The following SHISAL2A variants were observed in gnomAD, a reference collection of about 807,000 sequenced individuals.
The protein encoded by SHISAL2A is protein shisa-like-2A.
Under a neutral mutation model 11.5 loss-of-function variants are expected in SHISAL2A, and 18 were observed. That is an observed-to-expected ratio of 1.57 (90% CI 1.08 to 2.33). SHISAL2A has a LOEUF of 2.33. Among genes scored for constraint, SHISAL2A ranks in the 30% most tolerant of loss-of-function variants. The pLI is 0.00. For synonymous variants in SHISAL2A, 94 were observed against 99.6 expected, an observed-to-expected ratio of 0.94 and a Z score of 0.34; for missense variants, 261 against 250.9, an observed-to-expected ratio of 1.04 and a Z score of -0.27.
chr1:52,638,768 G>C (rs1691293388), intron 1 of SHISAL2A, among the ~76,000 whole-genome samples: 1 of 152,206 alleles, frequency 6.6e-6, no homozygotes, highest in Non-Finnish European at 1.5e-5. Flanking sequence ...TGGATATTTA[G>C]CTAACAATTT....
downstream of SHISAL2A, among the ~76,000 whole-genome samples, chr1:52,657,399 G>C (rs957484189): frequency 9.2e-5 from 14 of 152,172 alleles, no homozygotes; most frequent in Middle Eastern, 3.2e-3. Flanking sequence ...AGCCCTCAGA[G>C]GGGGATGATC....
At position 52,633,517 on chromosome 1, in the gene SHISAL2A, C is replaced by A; in HGVS notation, c.24C>A (p.Tyr8Ter). 3 of 1,575,998 alleles carry A rather than the reference C, an allele frequency of 1.9e-6. No individual in the cohort carries two copies. The highest frequency in any genetic ancestry group is 2.6e-6 in the Non-Finnish European group (3 of 1,164,546). Residue 8 changes from tyrosine to a stop codon, truncating the protein, a stop_gained, in exon 1 of 3, where the codon TAC becomes TAA. Coordinates refer to ENST00000517870, the MANE Select transcript of SHISAL2A (RefSeq NM_001042693.3). LOFTEE classifies it high-confidence loss of function. This position sits in a 1 kb window ranked among gnomAD's most constrained non-coding sequence, Gnocchi z 6.4. ...CGATGAGCGGCGCCTGCACGAGCTA[C>A]GTGAGCGCAGAGCAGGAGGTGGTGC... MSGACTS[Y>*]VSAEQEVVRG... is the part of the protein sequence containing the mutation.
chr1:52,651,393 C>T (rs541855469), intron 2 of SHISAL2A, among the ~76,000 whole-genome samples: 72 of 151,898 alleles, frequency 4.7e-4, no homozygotes, highest in African/African-American at 8.7e-4. Flanking sequence ...CCTGCCATCA[C>T]GCCTGGCTAA....
At chr1:52,662,340 TTTTATTTA>T (rs1205028577) in intron 4 of SHISAL2A, among the ~76,000 whole-genome samples, 1 of 151,624 alleles carries the variant, frequency 6.6e-6, no homozygotes, top group Non-Finnish European at 1.5e-5. Flanking sequence ...TTTTATTTTA[TTTTATTTA>T]TTTATTTATT....
downstream of SHISAL2A, among the ~76,000 whole-genome samples, chr1:52,659,014 G>A (rs1691852668): frequency 6.6e-6 from 1 of 150,852 alleles, no homozygotes; most frequent in African/African-American, 2.5e-5. Context: ...TGCTTCATTT[G>A]TTGTTGTTGG....
downstream of SHISAL2A, among the ~76,000 whole-genome samples, chr1:52,657,944 C>G (rs1294640208): frequency 6.6e-6 from 1 of 152,196 alleles, no homozygotes; most frequent in African/African-American, 2.4e-5. Context: ...TGATAAAGTC[C>G]CTTGTCTTCC....
intron 2 of SHISAL2A, among the ~76,000 whole-genome samples, chr1:52,644,656 G>A (rs183656907): frequency 4.9e-4 from 75 of 151,884 alleles, no homozygotes; most frequent in Middle Eastern, 6.8e-3. Context: ...CCCGGGAGGC[G>A]GAGGTTGCAG....
intron 1 of SHISAL2A, among the ~76,000 whole-genome samples, chr1:52,637,623 G>A (rs562404760): frequency 2.0e-5 from 3 of 152,318 alleles, no homozygotes; most frequent in South Asian, 2.1e-4. Flanking sequence ...CAGCCTTGCC[G>A]GAAGGCAGAG....
chr1:52,648,016 T>A (rs1162920199), intron 2 of SHISAL2A, among the ~76,000 whole-genome samples: 1 of 148,976 alleles, frequency 6.7e-6, no homozygotes, highest in African/African-American at 2.4e-5. Context: ...TACGACCACT[T>A]TACAGAGAAT....
At chr1:52,668,135 A>G (rs1185432829) in intron 5 of SHISAL2A, among the ~76,000 whole-genome samples, 1 of 152,184 alleles carries the variant, frequency 6.6e-6, no homozygotes, top group African/African-American at 2.4e-5. Context: ...AAATCAGGAA[A>G]TGTCTCCACA....
intron 2 of SHISAL2A, among the ~76,000 whole-genome samples, chr1:52,655,426 G>A (rs953683175): frequency 1.4e-5 from 2 of 140,290 alleles, no homozygotes; most frequent in Admixed American, 7.4e-5. Context: ...GGATAGCCTG[G>A]GAAATATAAT....
At chr1:52,646,522 C>T (rs1691504576) in intron 2 of SHISAL2A, among the ~76,000 whole-genome samples, 1 of 151,056 alleles carries the variant, frequency 6.6e-6, no homozygotes, top group South Asian at 2.1e-4. Flanking sequence ...CACACACACA[C>T]ACACACAATT....
chr1:52,669,634 C>A (rs1447329660), exon 6 of SHISAL2A: 2 of 148,456 alleles, frequency 1.3e-5, no homozygotes, highest in Admixed American at 1.3e-4. Flanking sequence ...CCACTGCACC[C>A]CAGCCTGGGT....
intron 2 of SHISAL2A, among the ~76,000 whole-genome samples, chr1:52,647,194 A>T (rs564548405): frequency 6.6e-6 from 1 of 152,176 alleles, no homozygotes; most frequent in Non-Finnish European, 1.5e-5. Context: ...CATGAGTTCA[A>T]TGTTAATGAA....
At chr1:52,641,247 A>G (rs1320596497) in intron 1 of SHISAL2A, among the ~76,000 whole-genome samples, 1 of 152,146 alleles carries the variant, frequency 6.6e-6, no homozygotes, top group African/African-American at 2.4e-5. Context: ...GGAAGGGGCA[A>G]TGGGCACACT....
At chr1:52,650,114 A>G (rs1691594143) in intron 2 of SHISAL2A, among the ~76,000 whole-genome samples, 2 of 152,206 alleles carry the variant, frequency 1.3e-5, no homozygotes, top group African/African-American at 4.8e-5. Flanking sequence ...CAGAAGGCTC[A>G]GTCATGTCAC....
intron 2 of SHISAL2A, among the ~76,000 whole-genome samples, chr1:52,653,797 G>T (rs1188637974): frequency 6.6e-6 from 1 of 151,782 alleles, no homozygotes. Context: ...GGAGTACAAT[G>T]GCACAATCTA....
Position 52,642,908 on chromosome 1 carries a change from C to G in SHISAL2A, c.228C>G (p.Leu76=). 1 of 1,613,940 alleles carries G rather than the reference C, an allele frequency of 6.2e-7. No individual in the cohort carries two copies. Among genetic ancestry groups the G allele is most frequent in the Non-Finnish European group, 8.5e-7 (1 of 1,179,998 alleles). Residue 76 remains leucine (L), a synonymous_variant, in exon 2 of 3, where the codon CTC becomes CTG. Coordinates refer to ENST00000517870, the MANE Select transcript of SHISAL2A (RefSeq NM_001042693.3). Reference sequence around the variant, plus strand: ...TGTCCGTAGCAGCAGTGGTTCTTCTCGCCTTCATTGTTACCGCCTGTGTGC... The same window carrying G: ...TGTCCGTAGCAGCAGTGGTTCTTCTGGCCTTCATTGTTACCGCCTGTGTGC... ...IGLSVAAVVL[L]AFIVTACVLC...
intron 2 of SHISAL2A, among the ~76,000 whole-genome samples, chr1:52,653,285 AC>A (rs1391226625): frequency 2.1e-5 from 2 of 93,496 alleles, no homozygotes; most frequent in Non-Finnish European, 4.0e-5. Flanking sequence ...TCCTGTCTCT[AC>A]AAAAAAAAAA....
Sources: allele counts gnomAD v4.1 joint callset (sites outside exome capture counted in the v4.1 genomes callset), GRCh38; gene constraint gnomAD v4.1.1; non-coding constraint Gnocchi (gnomAD v3.1); transcripts MANE v1.5; gene names NCBI Gene and HGNC (gene_info 2026-07-23, HGNC 2026-07-21).